Variants in LGR5 observed in about 807,000 individuals in gnomAD.
LGR5 encodes the protein leucine rich repeat containing G protein-coupled receptor 5.
Under a neutral mutation model 76.7 loss-of-function variants are expected in LGR5, and 54 were observed. The observed-to-expected ratio is 0.70, with a 90% confidence interval of 0.57 to 0.88. LGR5 has a LOEUF of 0.88. LGR5 is among the 40% of genes least tolerant of loss of function. The pLI is 0.00. For missense variants in LGR5, 1,078 were observed against 1,073.3 expected (o/e 1.00, Z -0.06); for synonymous variants, 406 against 421.9 (o/e 0.96, Z 0.46).
intron 2 of LGR5, among the ~76,000 whole-genome samples, chr12:71,522,974 T>A (rs1717989616): frequency 6.6e-6 from 1 of 152,202 alleles, no homozygotes; most frequent in Non-Finnish European, 1.5e-5. Flanking sequence ...AGGACCTTCT[T>A]ATGTTGCTAA....
chr12:71,495,632 G>A (rs1006452072), intron 1 of LGR5, among the ~76,000 whole-genome samples: 2 of 151,264 alleles, frequency 1.3e-5, no homozygotes, highest in Non-Finnish European at 2.9e-5. Context: ...CACAGATGAT[G>A]CAGATGAGGG....
intron 2 of LGR5, among the ~76,000 whole-genome samples, chr12:71,523,466 T>C (rs1313369290): frequency 1.3e-5 from 2 of 151,714 alleles, no homozygotes; most frequent in African/African-American, 4.8e-5. Context: ...GCCTTGGCAA[T>C]AAACCATCTC....
At chr12:71,539,318 T>C (rs1046607891) in intron 4 of LGR5, among the ~76,000 whole-genome samples, 1 of 152,238 alleles carries the variant, frequency 6.6e-6, no homozygotes, top group African/African-American at 2.4e-5. Context: ...CTTCCTTGAA[T>C]AAAGTTTAGG....
At chr12:71,568,553 A>G (rs1274350328) in intron 11 of LGR5, among the ~76,000 whole-genome samples, 2 of 152,202 alleles carry the variant, frequency 1.3e-5, no homozygotes, top group African/African-American at 4.8e-5. Flanking sequence ...CATAACATTC[A>G]TAGTAGATCT....
intron 2 of LGR5, among the ~76,000 whole-genome samples, chr12:71,521,311 C>T (rs1014605314): frequency 2.0e-4 from 30 of 152,132 alleles, no homozygotes; most frequent in Admixed American, 2.6e-4. Flanking sequence ...CAGAGGAAAC[C>T]GCGGGGGTCC....
chr12:71,499,162 A>G (rs1874477231), intron 1 of LGR5, among the ~76,000 whole-genome samples: 1 of 152,334 alleles, frequency 6.6e-6, no homozygotes, highest in Middle Eastern at 3.4e-3. Flanking sequence ...AACAAAAGAC[A>G]GGGGCTAGGG....
At chr12:71,581,586 C>A (rs1287071346) in intron 16 of LGR5, among the ~76,000 whole-genome samples, 1 of 152,212 alleles carries the variant, frequency 6.6e-6, no homozygotes, top group Non-Finnish European at 1.5e-5. Context: ...TGGTCCTTGC[C>A]TTTTTTGTTT....
At chr12:71,516,255 G>A (rs1459465947) in intron 2 of LGR5, among the ~76,000 whole-genome samples, 2 of 152,008 alleles carry the variant, frequency 1.3e-5, no homozygotes, top group East Asian at 1.9e-4. Flanking sequence ...GGAAAGTTAA[G>A]TAACTTGTGT....
intron 1 of LGR5, among the ~76,000 whole-genome samples, chr12:71,473,732 C>A (rs996050810): frequency 6.6e-6 from 1 of 151,856 alleles, no homozygotes; most frequent in Non-Finnish European, 1.5e-5. Context: ...TATGATTATT[C>A]AATTTACCAG....
At position 71,452,755 on chromosome 12, in the gene LGR5, A is replaced by C. The variant is rs117497954; in HGVS notation, c.212+12463A>C. Among the ~76,000 whole-genome samples, 254 of 152,314 alleles carry C rather than the reference A, an allele frequency of 1.7e-3. 4 individuals are homozygous for C. In the East Asian group the frequency reaches 0.026, roughly 16 times the overall value. On this transcript the variant is annotated intron_variant, in intron 1 of 17. Transcript: ENST00000266674. ...ATTTCTTGATGACTATTTCAGCCTT[A>C]TCTTCAGTGACCTTGACAAGTTACT...
intron 2 of LGR5, among the ~76,000 whole-genome samples, chr12:71,523,356 G>A (rs1875818008): frequency 6.6e-6 from 1 of 151,938 alleles, no homozygotes; most frequent in Non-Finnish European, 1.5e-5. Context: ...CTCCATCATA[G>A]TACCCAGCAG....
At chr12:71,548,301 C>CTGTGTG (rs10629001) in intron 4 of LGR5, among the ~76,000 whole-genome samples, 44 of 104,102 alleles carry the variant, frequency 4.2e-4, no homozygotes, top group South Asian at 2.7e-3. Context: ...CCTTGTTGCA[C>CTGTGTG]TGTGTGTGTG....
chr12:71,584,225 A>T lies in LGR5; in HGVS notation c.2215A>T (p.Met739Leu), dbSNP rs1331040727. The T allele has an allele frequency of 6.2e-7, 1 of 1,613,968 alleles. No individual in the cohort carries two copies. Among genetic ancestry groups the T allele is most frequent in the Non-Finnish European group, 8.5e-7 (1 of 1,180,008 alleles). ...LILLNSLCFL[M>L]MTIAYTKLYC... ...CTTGCTCAATTCCCTTTGCTTCCTC[A>T]TGATGACCATTGCCTACACCAAGCT... is the stretch of plus-strand genomic sequence containing the variant. The change falls in exon 18 of 18, where the codon ATG becomes TTG. Residue 739 changes from methionine (M) to leucine (L), a missense_variant. Coordinates refer to ENST00000266674, the MANE Select transcript of LGR5 (RefSeq NM_003667.4).
chr12:71,461,528 A>C (rs1017313104), intron 1 of LGR5, among the ~76,000 whole-genome samples: 6 of 152,164 alleles, frequency 3.9e-5, no homozygotes, highest in African/African-American at 1.4e-4. Context: ...AGCACTTGGC[A>C]CATCTAAGTG....
chr12:71,466,663 G>T (rs937413001), intron 1 of LGR5, among the ~76,000 whole-genome samples: 1 of 149,972 alleles, frequency 6.7e-6, no homozygotes, highest in African/African-American at 2.5e-5. Flanking sequence ...AATTTCCTCT[G>T]TCTTCCATGT....
intron 17 of LGR5, 42 bp downstream of exon 17, chr12:71,582,581 A>G: frequency 1.4e-6 from 2 of 1,406,390 alleles, no homozygotes; most frequent in African/African-American, 1.4e-5. Context: ...AGTATCCACC[A>G]CTGATTCTGA....
intron 4 of LGR5, among the ~76,000 whole-genome samples, chr12:71,536,161 T>C (rs912258224): frequency 6.6e-6 from 1 of 152,242 alleles, no homozygotes; most frequent in African/African-American, 2.4e-5. Context: ...ATGAGGAAGA[T>C]AAATGCATTA....
chr12:71,583,839 G>C lies in LGR5; in HGVS notation c.1829G>C (p.Ser610Thr), dbSNP rs1219063711. ...AAVNMLTGVS[S>T]AVLAGVDAFT... ...GTGAACATGCTCACGGGAGTCTCCA[G>C]TGCCGTGCTGGCTGGTGTGGATGCG... is the stretch of plus-strand genomic sequence containing the variant. The change falls in exon 18 of 18, where the codon AGT becomes ACT. Residue 610 changes from serine (S) to threonine (T), a missense_variant. By Grantham distance (58) the Ser-to-Thr change is moderately conservative (BLOSUM62 1). Transcript: ENST00000266674. 6.2e-7 allele frequency: 1 copy of C among 1,614,182 alleles called. No homozygotes were observed. The highest frequency in any genetic ancestry group is 1.1e-5 in the South Asian group (1 of 91,084).
Position 71,552,995 on chromosome 12 carries a change from G to A in LGR5, c.429-78G>A, listed in dbSNP as rs779012160. The A allele has an allele frequency of 2.3e-4, 297 of 1,319,458 alleles. 1 individual carries two copies. Among genetic ancestry groups the A allele is most frequent in the Non-Finnish European group, 2.8e-4 (263 of 925,284 alleles). The allele number at this position is 1,319,458 out of a possible 1,614,324, so 81.7% of individuals were successfully genotyped here. A position where few individuals can be genotyped will look rare whatever the true frequency, so the allele number is the denominator to read the frequency against. On this transcript the variant is annotated intron_variant, in intron 4 of 17. Coordinates refer to ENST00000266674, the MANE Select transcript of LGR5 (RefSeq NM_003667.4). ...TGTTCCACTCTTGTTCATCATGCATGGGGAGGGTTTTCCTGCAAAGTTGAC... is the reference window on the plus strand; with the variant it reads ...TGTTCCACTCTTGTTCATCATGCATAGGGAGGGTTTTCCTGCAAAGTTGAC...
Sources: gnomAD v4.1 joint callset for allele counts (sites outside exome capture counted in the v4.1 genomes callset) on GRCh38, gnomAD v4.1.1 for gene constraint, MANE v1.5 for transcripts, NCBI Gene and HGNC (gene_info 2026-07-23, HGNC 2026-07-21) for gene names.